The following GRHL1 variants were observed in gnomAD, a reference collection of about 807,000 sequenced individuals.
GRHL1 encodes the protein grainyhead-like protein 1 homolog.
Under a neutral mutation model 75.7 loss-of-function variants are expected in GRHL1, and 38 were observed. That is an observed-to-expected ratio of 0.50 (90% CI 0.39 to 0.66). The LOEUF (loss-of-function observed/expected upper bound fraction) is 0.66. Ranked by LOEUF, GRHL1 falls within the 30% of genes least tolerant of loss-of-function variation. The pLI, the probability that GRHL1 is intolerant of heterozygous loss-of-function variation, is 0.00. For missense variants in GRHL1, 589 were observed against 767.5 expected (o/e 0.77, Z 2.75); for synonymous variants, 266 against 279.4 (o/e 0.95, Z 0.48).
At chr2:9,988,918 C>A (rs1007906589) in intron 9 of GRHL1, among the ~76,000 whole-genome samples, 2 of 152,064 alleles carry the variant, frequency 1.3e-5, no homozygotes, top group Non-Finnish European at 2.9e-5. Flanking sequence ...GAGGGACAGT[C>A]CTATTTTGTA....
rs1669107974 is a variant in GRHL1 at position 9,998,811 on chromosome 2, TATATATATGTAC to T, written c.1678-152_1678-141del. ...ATATATGTACACACATATATATACG[TATATATATGTAC>T]ACATATATATATACGTATATATATG... is the stretch of plus-strand genomic sequence containing the variant. On this transcript the variant is annotated intron_variant, in intron 14 of 15. Coordinates refer to ENST00000324907, the MANE Select transcript of GRHL1 (RefSeq NM_198182.3). Among the ~76,000 whole-genome samples, 5 of 44,672 alleles carry T rather than the reference TATATATATGTAC, an allele frequency of 1.1e-4. 1 individual carries two copies. Among genetic ancestry groups the T allele is most frequent in the African/African-American group, 8.4e-4 (5 of 5,978 alleles). 29.3% of individuals were successfully genotyped at this position (44,672 alleles called of 152,430 possible). A position where few individuals can be genotyped will look rare whatever the true frequency, so the allele number is the denominator to read the frequency against.
rs1054579677 is a variant in GRHL1, at chr2:9,955,268, G to A, written c.207+167G>A. 5.9e-5 allele frequency among the ~76,000 whole-genome samples: 9 copies of A among 152,356 alleles called. No individual in the cohort carries two copies. In the East Asian group the frequency reaches 7.7e-4, roughly 13 times the overall value. ...TACTGTGATTCGAAGCTAAAAATCTGTGATTGTAGAATCAAAGGGTTGTTT... is the reference window on the plus strand; with the variant it reads ...TACTGTGATTCGAAGCTAAAAATCTATGATTGTAGAATCAAAGGGTTGTTT... On this transcript the variant is annotated intron_variant, in intron 2 of 15. Coordinates refer to ENST00000324907, the MANE Select transcript of GRHL1 (RefSeq NM_198182.3).
Position 9,992,151 on chromosome 2 carries a change from G to C in GRHL1, c.1461+5G>C. ...AACTTGCAGCGGGGCACTCATGTAG[G>C]TAACCAGGATCCCAGGGGAGGTTAC... is the stretch of plus-strand genomic sequence containing the variant. On this transcript the variant is annotated splice_donor_5th_base_variant and intron_variant, in intron 11 of 15. Transcript: ENST00000324907. The surrounding 1 kb of genome is among the most constrained non-coding windows in gnomAD (Gnocchi z 4.6). 1 of 1,610,308 alleles carries C rather than the reference G, an allele frequency of 6.2e-7. No homozygotes were observed. The highest frequency in any genetic ancestry group is 8.5e-7 in the Non-Finnish European group (1 of 1,178,734).
At position 9,991,990 on chromosome 2, in the gene GRHL1, A is replaced by ATTT; in HGVS notation, c.1322-6_1322-4dup. On this transcript the variant is annotated splice_polypyrimidine_tract_variant and intron_variant, in intron 10 of 15. Transcript: ENST00000324907. ...TTTGACCTTGGCTTCCTCTTTTTTA[A>ATTT]TTTTTTTTTTTTTCAGTTTCTGATG... 8.7e-7 allele frequency: 1 copy of ATTT among 1,144,202 alleles called. No homozygotes were observed. Among genetic ancestry groups the ATTT allele is most frequent in the East Asian group, 3.2e-5 (1 of 31,604 alleles). 70.9% of individuals were successfully genotyped at this position (1,144,202 alleles called of 1,614,324 possible).
At chr2:9,967,517 A>G (rs1667541674) in intron 8 of GRHL1, among the ~76,000 whole-genome samples, 1 of 152,230 alleles carries the variant, frequency 6.6e-6, no homozygotes, top group Non-Finnish European at 1.5e-5. Context: ...TAATTGATGT[A>G]GGTAAACTCA....
chr2:9,998,451 T>C lies in GRHL1; in HGVS notation c.1678-514T>C, dbSNP rs1166254668. Among the ~76,000 whole-genome samples, 2 of 67,236 alleles carry C rather than the reference T, an allele frequency of 3.0e-5. 1 individual carries two copies. Among genetic ancestry groups the C allele is most frequent in the Admixed American group, 3.7e-4 (2 of 5,426 alleles). The allele number at this position is 67,236 out of a possible 152,430, so 44.1% of individuals were successfully genotyped here. ...GTGTGTGTGTGTGTGTGTGTGTGTATATATATACATATATATACGTATATA... is the reference window on the plus strand; with the variant it reads ...GTGTGTGTGTGTGTGTGTGTGTGTACATATATACATATATATACGTATATA... On this transcript the variant is annotated intron_variant, in intron 14 of 15. Coordinates refer to ENST00000324907, the MANE Select transcript of GRHL1 (RefSeq NM_198182.3).
At position 9,954,934 on chromosome 2, in the gene GRHL1, C is replaced by T. The variant is rs1205014245; in HGVS notation, c.40C>T (p.Leu14Phe). 1 of 1,612,942 alleles carries T rather than the reference C, an allele frequency of 6.2e-7. No individual in the cohort carries two copies. Among genetic ancestry groups the T allele is most frequent in the Non-Finnish European group, 8.5e-7 (1 of 1,179,166 alleles). Residue 14 changes from leucine to phenylalanine, a missense_variant, in exon 2 of 16, where the codon CTT becomes TTT. By Grantham distance (22) the Leu-to-Phe change is conservative. Coordinates refer to ENST00000324907, the MANE Select transcript of GRHL1 (RefSeq NM_198182.3). ...EYDNKRPVLV[L>F]QNEALYPQRR... ...CTGAAGCAAACGGCCAGTGTTGGTTCTTCAGAATGAAGCACTTTATCCACA... is the reference window on the plus strand; with the variant it reads ...CTGAAGCAAACGGCCAGTGTTGGTTTTTCAGAATGAAGCACTTTATCCACA...
chr2:9,996,331 G>A lies in GRHL1; in HGVS notation c.1607G>A (p.Arg536Gln), dbSNP rs370191500. The change falls in exon 14 of 16, where the codon CGA (arginine) becomes CAA (glutamine). Residue 536 changes from arginine to glutamine, a missense_variant. Transcript: ENST00000324907. ...EEPKRVLLYV[R>Q]KESEEVFDAL... ...GATTGATTAGTGCTGCTCTACGTTC[G>A]AAAGGAGTCAGAAGAAGTCTTTGAT... The A allele has an allele frequency of 9.3e-6, 15 of 1,611,804 alleles. No individual in the cohort carries two copies. The highest frequency in any genetic ancestry group is 6.7e-5 in the Admixed American group (4 of 59,982).
intron 14 of GRHL1, 103 bp downstream of exon 14, chr2:9,996,504 C>A: frequency 1.2e-6 from 1 of 837,374 alleles, no homozygotes. Context: ...TTTGTCAGAC[C>A]TTCTGGAATC....
rs111809546 is a variant in GRHL1 at position 9,975,721 on chromosome 2, C to CA, written c.1110+10355dup. The stretch of plus-strand genomic sequence containing the variant: ...GGTGAAACTCCGTCTCTAGTAAATA[C>CA]AAAAAAAAAAAAAAATTATCTGAGT... On this transcript the variant is annotated intron_variant, in intron 8 of 15. Coordinates refer to ENST00000324907, the MANE Select transcript of GRHL1 (RefSeq NM_198182.3). 2.1e-3 allele frequency among the ~76,000 whole-genome samples: 277 copies of CA among 134,068 alleles called. 2 individuals carry two copies. Among genetic ancestry groups the CA allele is most frequent in the South Asian group, 2.9e-3 (12 of 4,198 alleles). 88.0% of individuals were successfully genotyped at this position (134,068 alleles called of 152,430 possible). A position where few individuals can be genotyped will look rare whatever the true frequency, so the allele number is the denominator to read the frequency against.
chr2:9,957,065 G>A (rs1667061181), intron 2 of GRHL1, among the ~76,000 whole-genome samples: 1 of 150,322 alleles, frequency 6.7e-6, no homozygotes, highest in Non-Finnish European at 1.5e-5. Flanking sequence ...TGGTGGTGCA[G>A]TCATAGCTCA....
At chr2:9,972,784 G>A (rs1667781243) in intron 8 of GRHL1, among the ~76,000 whole-genome samples, 1 of 152,220 alleles carries the variant, frequency 6.6e-6, no homozygotes, top group African/African-American at 2.4e-5. Context: ...CCAAATCACT[G>A]TATATGCCAA....
In GRHL1 at chr2:9,993,237, G is replaced by C; in HGVS notation, c.1492G>C (p.Gly498Arg). 4 of 1,610,178 alleles carry C rather than the reference G, an allele frequency of 2.5e-6. No individual in the cohort carries two copies. In the African/African-American group the frequency reaches 5.3e-5, roughly 21 times the overall value. Residue 498 changes from glycine (G) to arginine (R), a missense_variant, in exon 12 of 16, where the codon GGT (glycine) becomes CGT (arginine). Gly to Arg is a moderately radical substitution (Grantham distance 125). Coordinates refer to ENST00000324907, the MANE Select transcript of GRHL1 (RefSeq NM_198182.3). The part of the protein sequence containing the change: ...VLPIASEELE[G>R]EGSVLKRGPY... ...TCCCATTGCCTCTGAAGAATTGGAG[G>C]GTGAAGGGTAAGATTTATGTTTTGT...
Position 9,961,442 on chromosome 2 carries a change from G to C in GRHL1, c.669+6G>C. 1 of 1,592,864 alleles carries C rather than the reference G, an allele frequency of 6.3e-7. No individual in the cohort carries two copies. The highest frequency in any genetic ancestry group is 1.7e-4 in the Middle Eastern group (1 of 5,924). On this transcript the variant is annotated splice_donor_region_variant and intron_variant, in intron 4 of 15. Transcript: ENST00000324907. ...TCAAGGAAGGCGTTCAGGAGGTAAGGAAACAAAAACATCTTCCTAAGACGC... is the reference window on the plus strand; with the variant it reads ...TCAAGGAAGGCGTTCAGGAGGTAAGCAAACAAAAACATCTTCCTAAGACGC...
At chr2:9,988,167 T>C (rs1668501460) in intron 9 of GRHL1, among the ~76,000 whole-genome samples, 2 of 152,190 alleles carry the variant, frequency 1.3e-5, no homozygotes, top group South Asian at 4.1e-4. Flanking sequence ...AATTTTGTCC[T>C]GAAATCTGGT....
intron 8 of GRHL1, among the ~76,000 whole-genome samples, chr2:9,970,095 G>A (rs4496316): frequency 0.11 from 16,201 of 151,936 alleles, 1,022 homozygotes; most frequent in African/African-American, 0.17. Flanking sequence ...CACCTGCCTC[G>A]GCCTCCCAAA....
rs544446024 is a variant in GRHL1 at position 9,985,908 on chromosome 2, T to G, written c.1111-216T>G. On this transcript the variant is annotated intron_variant, in intron 8 of 15. Transcript: ENST00000324907. ...AGCAGAGGTTCAGAGCTGCCGACTC[T>G]TCCTCCTCTTTAAGGTCTGCTATTT... Among the ~76,000 whole-genome samples the G allele has an allele frequency of 7.9e-5, 12 of 152,348 alleles. No individual in the cohort carries two copies. In the East Asian group the frequency reaches 2.3e-3, roughly 29 times the overall value.
intron 8 of GRHL1, 191 bp downstream of exon 8, chr2:9,965,572 A>G (rs916649890): frequency 1.7e-6 from 1 of 571,498 alleles, no homozygotes; most frequent in African/African-American, 1.9e-5. Flanking sequence ...TCCTTTGCAC[A>G]GAGTCCAGTG....
rs187138828 is a variant in GRHL1, at chr2:9,974,646, C to G, written c.1110+9265C>G. On this transcript the variant is annotated intron_variant, in intron 8 of 15. Coordinates refer to ENST00000324907, the MANE Select transcript of GRHL1 (RefSeq NM_198182.3). ...TCCTCAAAGTTTTTATTTTCTCTGT[C>G]TCATTATTGACCAATTTGACTGTTT... Among the ~76,000 whole-genome samples, 627 of 152,336 alleles carry G rather than the reference C, an allele frequency of 4.1e-3. 6 individuals carry two copies. Among genetic ancestry groups the G allele is most frequent in the Non-Finnish European group, 5.5e-3 (371 of 68,032 alleles).
Sources: allele counts gnomAD v4.1 joint callset (sites outside exome capture counted in the v4.1 genomes callset), GRCh38; gene constraint gnomAD v4.1.1; non-coding constraint Gnocchi (gnomAD v3.1); transcripts MANE v1.5; gene names NCBI Gene and HGNC (gene_info 2026-07-23, HGNC 2026-07-21).